FAF1: variants seen among roughly 807,000 people sequenced by gnomAD.
FAF1 encodes FAS-associated factor 1.
FAF1 carries 25 observed loss-of-function variants against 92.5 expected under a neutral mutation model. The observed-to-expected ratio is 0.27, with a 90% CI of 0.20 to 0.38. The LOEUF (loss-of-function observed/expected upper bound fraction) is 0.38. Ranked by LOEUF, FAF1 falls within the 10% of genes least tolerant of loss-of-function variation. The probability of loss-of-function intolerance (pLI) is 1.00; values close to 1 mark genes in which losing one functional copy is unlikely to be tolerated. For synonymous variants in FAF1, 234 were observed against 273.2 expected (o/e 0.86, Z 1.42); for missense variants, 636 against 793.3 (o/e 0.80, Z 2.38).
At chr1:50,924,374 C>T (rs978114833) in intron 1 of FAF1, among the ~76,000 whole-genome samples, 1 of 150,576 alleles carries the variant, frequency 6.6e-6, no homozygotes, top group African/African-American at 2.4e-5. Flanking sequence ...GGTAAAAGAC[C>T]TCTGCAATGA....
intron 11 of FAF1, 160 bp from the exon 12 acceptor site, chr1:50,582,859 T>C: frequency 1.7e-6 from 1 of 583,058 alleles, no homozygotes. Flanking sequence ...GCTTTATTGG[T>C]TTTTAGAATT....
intron 8 of FAF1, among the ~76,000 whole-genome samples, chr1:50,636,086 C>CAACTT (rs1453902159): frequency 6.6e-6 from 1 of 152,082 alleles, no homozygotes; most frequent in Non-Finnish European, 1.5e-5. Flanking sequence ...AATCCTGGTT[C>CAACTT]TGTACTTTGT....
chr1:50,593,938 T>C (rs944548967), intron 9 of FAF1, among the ~76,000 whole-genome samples: 1 of 152,222 alleles, frequency 6.6e-6, no homozygotes, highest in African/African-American at 2.4e-5. Context: ...AACCACATTT[T>C]GTATAGAATG....
intron 16 of FAF1, among the ~76,000 whole-genome samples, chr1:50,491,263 C>G (rs1026460618): frequency 6.6e-6 from 1 of 152,210 alleles, no homozygotes; most frequent in Non-Finnish European, 1.5e-5. Context: ...GCTTATGTTA[C>G]AGCTACTTGT....
At chr1:50,905,389 G>GA (rs1644828597) in intron 1 of FAF1, among the ~76,000 whole-genome samples, 2 of 152,112 alleles carry the variant, frequency 1.3e-5, no homozygotes, top group Non-Finnish European at 2.9e-5. Flanking sequence ...TAATCCTTTG[G>GA]ATATATACCC....
intron 15 of FAF1, among the ~76,000 whole-genome samples, chr1:50,526,987 T>G (rs549416593): frequency 1.3e-5 from 2 of 152,216 alleles, no homozygotes; most frequent in East Asian, 3.9e-4. Context: ...CCTAAGTAGC[T>G]GGGACTACAT....
At chr1:50,694,906 G>A (rs992531653) in intron 7 of FAF1, among the ~76,000 whole-genome samples, 4 of 151,874 alleles carry the variant, frequency 2.6e-5, no homozygotes, top group African/African-American at 9.7e-5. Flanking sequence ...AGGTTGCAGG[G>A]AGCCGACACA....
rs1569937006 is a variant in FAF1 at position 50,780,836 on chromosome 1, C to T, written c.367+7164G>A. The T allele has an allele frequency of 1.4e-5, 6 of 437,314 alleles. No individual in the cohort carries two copies. In the East Asian group the frequency reaches 2.5e-4, roughly 18 times the overall value. 27.1% of individuals were successfully genotyped at this position (437,314 alleles called of 1,614,324 possible). The stretch of plus-strand genomic sequence containing the variant: ...CCACCTTTGGGTTTATCCTGGATAA[C>T]GTGTCCTTGATGCATCTTACCTTCA... On this transcript the variant is annotated intron_variant, in intron 4 of 18. Coordinates refer to ENST00000396153, the MANE Select transcript of FAF1 (RefSeq NM_007051.3).
chr1:50,701,497 C>A (rs1025132398), intron 7 of FAF1, among the ~76,000 whole-genome samples: 1 of 152,034 alleles, frequency 6.6e-6, no homozygotes, highest in Non-Finnish European at 1.5e-5. Flanking sequence ...ATAATTAGCA[C>A]AATCTGTGAA....
At chr1:50,942,139 A>T (rs1645138917) in intron 1 of FAF1, among the ~76,000 whole-genome samples, 1 of 152,206 alleles carries the variant, frequency 6.6e-6, no homozygotes. Context: ...GGCTGTTACA[A>T]ATTAGATGGC....
chr1:50,750,703 A>G (rs1420971012), intron 4 of FAF1, among the ~76,000 whole-genome samples: 1 of 148,600 alleles, frequency 6.7e-6, no homozygotes, highest in Non-Finnish European at 1.5e-5. Context: ...GGCCCACTGT[A>G]ACCTCCACCT....
At chr1:50,624,556 G>A (rs1349697649) in intron 8 of FAF1, among the ~76,000 whole-genome samples, 9 of 151,950 alleles carry the variant, frequency 5.9e-5, no homozygotes, top group Non-Finnish European at 5.9e-5. Context: ...GCCTGATTAA[G>A]CAGATATGAA....
chr1:50,500,277 A>C (rs182784281), intron 15 of FAF1, among the ~76,000 whole-genome samples: 66 of 152,318 alleles, frequency 4.3e-4, no homozygotes, highest in Admixed American at 2.9e-3. Flanking sequence ...TACAAAGCTG[A>C]AGTAATAGTA....
At chr1:50,638,475 C>T (rs1465873489) in intron 8 of FAF1, among the ~76,000 whole-genome samples, 41 of 143,234 alleles carry the variant, frequency 2.9e-4, no homozygotes, top group African/African-American at 1.0e-3. Flanking sequence ...GATGGAGTCA[C>T]GCTCTGTTGC....
rs563037274 is a variant in FAF1, at chr1:50,441,569, A to G, written c.1870-46T>C. The G allele has an allele frequency of 1.0e-5, 12 of 1,173,060 alleles. No homozygotes were observed. In the East Asian group the frequency reaches 2.6e-4, roughly 26 times the overall value. The allele number at this position is 1,173,060 out of a possible 1,614,324, so 72.7% of individuals were successfully genotyped here. ...TATTCAAAAGACTGAAACAAGCACT[A>G]TATTCTCTACATGGCCTTCATTTTA... On this transcript the variant is annotated intron_variant, in intron 18 of 18. Coordinates refer to ENST00000396153, the MANE Select transcript of FAF1 (RefSeq NM_007051.3).
At chr1:50,522,283 G>C (rs1278396548) in intron 15 of FAF1, among the ~76,000 whole-genome samples, 1 of 152,060 alleles carries the variant, frequency 6.6e-6, no homozygotes, top group Non-Finnish European at 1.5e-5. Context: ...GGGATCATGA[G>C]GTATCAAAAG....
rs755424291 is a variant in FAF1, at chr1:50,874,758, C to CTTTTTTTT, written c.46-16769_46-16762dup. 3.2e-3 allele frequency among the ~76,000 whole-genome samples: 215 copies of CTTTTTTTT among 67,294 alleles called. 2 individuals carry two copies. Among genetic ancestry groups the CTTTTTTTT allele is most frequent in the Non-Finnish European group, 3.9e-3 (142 of 36,446 alleles). The allele number at this position is 67,294 out of a possible 152,430, so 44.1% of individuals were successfully genotyped here. On this transcript the variant is annotated intron_variant, in intron 1 of 18. Transcript: ENST00000396153. Reference sequence around the variant, plus strand: ...TTCTCCATCTTATTTTCTTTTCTTTCTTTTTTTTTTTTTTTTTTTTTTTTT... The same window carrying CTTTTTTTT: ...TTCTCCATCTTATTTTCTTTTCTTTCTTTTTTTTTTTTTTTTTTTTTTTTTTTTTTTTT...
chr1:50,506,180 C>T (rs1647055950), intron 15 of FAF1, among the ~76,000 whole-genome samples: 1 of 152,114 alleles, frequency 6.6e-6, no homozygotes, highest in South Asian at 2.1e-4. Context: ...CACAAAAAAC[C>T]CACCTGTCTT....
At chr1:50,486,473 A>G (rs1436898449) in intron 17 of FAF1, among the ~76,000 whole-genome samples, 1 of 151,938 alleles carries the variant, frequency 6.6e-6, no homozygotes, top group Non-Finnish European at 1.5e-5. Flanking sequence ...AGTCCAGACA[A>G]AATGCTCTTC....
Sources: allele counts gnomAD v4.1 joint callset (sites outside exome capture counted in the v4.1 genomes callset), GRCh38; gene constraint gnomAD v4.1.1; transcripts MANE v1.5; gene names NCBI Gene and HGNC (gene_info 2026-07-23, HGNC 2026-07-21).